Variants in CTNND2 observed in about 807,000 individuals in gnomAD.
CTNND2 encodes the protein catenin delta 2.
A neutral mutation model predicts 144.4 loss-of-function variants in CTNND2; 22 were observed. The ratio of observed to expected loss-of-function variants is 0.15; its 90% confidence interval spans 0.11 to 0.22. The LOEUF (loss-of-function observed/expected upper bound fraction) is 0.22. Ranked by LOEUF, CTNND2 falls within the 10% of genes least tolerant of loss-of-function variation. The pLI is 1.00. For synonymous variants in CTNND2, 751 were observed against 695.6 expected (o/e 1.08, Z -1.25); for missense variants, 1,353 against 1,618.8 (o/e 0.84, Z 2.82).
At chr5:11,824,966 T>C (rs146117866) in intron 1 of CTNND2, among the ~76,000 whole-genome samples, 6 of 152,278 alleles carry the variant, frequency 3.9e-5, no homozygotes, top group African/African-American at 1.4e-4. Context: ...AGGATAATAC[T>C]AGCTACCACA....
chr5:11,365,439 AAG>A (rs1756886090), intron 7 of CTNND2, among the ~76,000 whole-genome samples: 1 of 152,218 alleles, frequency 6.6e-6, no homozygotes, highest in Non-Finnish European at 1.5e-5. Flanking sequence ...ATATTAAAGA[AAG>A]AGGTTTCAAG....
intron 2 of CTNND2, among the ~76,000 whole-genome samples, chr5:11,716,668 CTTAT>C (rs1028769511): frequency 6.6e-5 from 10 of 150,940 alleles, no homozygotes; most frequent in Admixed American, 6.6e-5. Flanking sequence ...TTTTTATTTA[CTTAT>C]TTGTTTATTT....
chr5:11,545,269 C>T (rs906118566), intron 3 of CTNND2, among the ~76,000 whole-genome samples: 2 of 151,910 alleles, frequency 1.3e-5, no homozygotes, highest in African/African-American at 4.8e-5. Context: ...TTGAAGTGAC[C>T]TGAGATCGCA....
chr5:11,525,410 A>T (rs538304356), intron 3 of CTNND2, among the ~76,000 whole-genome samples: 3 of 152,198 alleles, frequency 2.0e-5, no homozygotes, highest in Non-Finnish European at 4.4e-5. Context: ...TAAAAAAAAA[A>T]CACATAATCA....
intron 3 of CTNND2, among the ~76,000 whole-genome samples, chr5:11,538,351 C>A (rs79871977): frequency 0.012 from 1,889 of 152,252 alleles, 23 homozygotes; most frequent in Middle Eastern, 0.031. Flanking sequence ...TTTCCGTCAA[C>A]AAGTAATGCC....
At chr5:11,231,624 C>T (rs1741032523) in intron 10 of CTNND2, among the ~76,000 whole-genome samples, 1 of 152,110 alleles carries the variant, frequency 6.6e-6, no homozygotes, top group Non-Finnish European at 1.5e-5. Flanking sequence ...AATTTCTAGG[C>T]CACAAACCAT....
chr5:11,798,453 T>C (rs1444383279), intron 1 of CTNND2, among the ~76,000 whole-genome samples: 1 of 152,124 alleles, frequency 6.6e-6, no homozygotes, highest in Admixed American at 6.5e-5. Flanking sequence ...AGTCCACATG[T>C]TTTAATGTCA....
intron 16 of CTNND2, among the ~76,000 whole-genome samples, chr5:11,055,736 G>C (rs987941481): frequency 1.3e-5 from 2 of 152,188 alleles, no homozygotes; most frequent in African/African-American, 4.8e-5. Context: ...GTGGAGGTTG[G>C]CTGTGATTGG....
chr5:11,787,034 C>T (rs995312904), intron 1 of CTNND2, among the ~76,000 whole-genome samples: 54 of 152,206 alleles, frequency 3.5e-4, no homozygotes, highest in Non-Finnish European at 5.9e-4. Flanking sequence ...GACCTGGAGT[C>T]GGCAGTATGT....
chr5:11,480,212 C>T (rs1768117316), intron 3 of CTNND2, among the ~76,000 whole-genome samples: 1 of 152,172 alleles, frequency 6.6e-6, no homozygotes. Context: ...GGTCCAGATT[C>T]AATCTTCTGC....
chr5:11,406,665 A>G (rs1761124962), intron 5 of CTNND2, among the ~76,000 whole-genome samples: 1 of 152,198 alleles, frequency 6.6e-6, no homozygotes, highest in Admixed American at 6.5e-5. Flanking sequence ...TAATCAAAAT[A>G]AAATAAAACT....
chr5:11,839,774 T>C (rs971719846), intron 1 of CTNND2, among the ~76,000 whole-genome samples: 2 of 147,776 alleles, frequency 1.4e-5, no homozygotes, highest in African/African-American at 2.6e-5. Context: ...GACAGAGAGA[T>C]AGACATAGGT....
In CTNND2 at chr5:11,117,491, C is replaced by T. The variant is rs968695651; in HGVS notation, c.2236G>A (p.Val746Met). The change falls in exon 13 of 22, where the codon GTG becomes ATG. Residue 746 changes from valine (V) to methionine (M), a missense_variant. By Grantham distance (21) the Val-to-Met change is conservative. Coordinates refer to ENST00000304623, the MANE Select transcript of CTNND2 (RefSeq NM_001332.4). ...CDGLTDALLY[V>M]IQSALGSSEI... ...CTGCTCCCCAGCGCAGACTGGATCA[C>T]GTACAGCAAGGCATCCGTAAGCCCA... is the stretch of plus-strand genomic sequence containing the variant. 9 of 1,614,056 alleles carry T rather than the reference C, an allele frequency of 5.6e-6. No homozygotes were observed. Among genetic ancestry groups the T allele is most frequent in the African/African-American group, 4.0e-5 (3 of 74,912 alleles).
chr5:11,127,766 GC>G lies in CTNND2; in HGVS notation c.2160-10200del, dbSNP rs1200497091. ...GACGGAGAGAAGTTCTTCCCCAGGAGCTGTACTTAACAGATTACTCATCCAG... is the reference window on the plus strand; with the variant it reads ...GACGGAGAGAAGTTCTTCCCCAGGAGTGTACTTAACAGATTACTCATCCAG... On this transcript the variant is annotated intron_variant, in intron 12 of 21. Coordinates refer to ENST00000304623, the MANE Select transcript of CTNND2 (RefSeq NM_001332.4). Among the ~76,000 whole-genome samples, 563 of 152,290 alleles carry G rather than the reference GC, an allele frequency of 3.7e-3. 13 individuals are homozygous for G. The highest frequency in any genetic ancestry group is 0.031 in the Admixed American group (475 of 15,300).
intron 2 of CTNND2, among the ~76,000 whole-genome samples, chr5:11,643,042 C>A (rs577139873): frequency 2.6e-5 from 4 of 152,116 alleles, no homozygotes; most frequent in South Asian, 4.2e-4. Flanking sequence ...TTCAAAATAA[C>A]AAAACTCAGT....
At chr5:11,406,182 G>C (rs751564102) in intron 5 of CTNND2, among the ~76,000 whole-genome samples, 2 of 152,108 alleles carry the variant, frequency 1.3e-5, no homozygotes, top group African/African-American at 2.4e-5. Context: ...GGACCAAAGA[G>C]CATATGATAA....
At chr5:11,122,763 A>C in intron 12 of CTNND2, among the ~76,000 whole-genome samples, 1 of 151,964 alleles carries the variant, frequency 6.6e-6, no homozygotes. Flanking sequence ...GTGTTAGAGA[A>C]CAGAACTAGG....
intron 12 of CTNND2, among the ~76,000 whole-genome samples, chr5:11,126,723 T>C (rs1157973949): frequency 6.6e-6 from 1 of 152,178 alleles, no homozygotes; most frequent in East Asian, 1.9e-4. Context: ...AGAAAACAAA[T>C]ATAGGCTGAA....
chr5:11,728,227 C>T (rs1439533326), intron 2 of CTNND2, among the ~76,000 whole-genome samples: 2 of 151,930 alleles, frequency 1.3e-5, no homozygotes, highest in African/African-American at 4.8e-5. Context: ...AATCCCAGCA[C>T]TTTGGGAGGC....
Sources: gnomAD v4.1 joint callset for allele counts (sites outside exome capture counted in the v4.1 genomes callset) on GRCh38, gnomAD v4.1.1 for gene constraint, MANE v1.5 for transcripts, NCBI Gene and HGNC (gene_info 2026-07-23, HGNC 2026-07-21) for gene names.